The following ZSWIM8 variants were observed in gnomAD, a reference collection of about 807,000 sequenced individuals.
The protein encoded by ZSWIM8 is zinc finger SWIM-type containing 8, also known as zinc finger SWIM domain-containing protein 8.
A neutral mutation model predicts 173.7 loss-of-function variants in ZSWIM8; 27 were observed. The observed-to-expected ratio is 0.16, with a 90% confidence interval of 0.11 to 0.21. The LOEUF (loss-of-function observed/expected upper bound fraction) is 0.21. ZSWIM8 is among the 10% of genes least tolerant of loss of function. The probability of loss-of-function intolerance (pLI) is 1.00; values close to 1 mark genes in which losing one functional copy is unlikely to be tolerated. For synonymous variants in ZSWIM8, 958 were observed against 962.0 expected (o/e 1.00, Z 0.08); for missense variants, 1,627 against 2,428.8 (o/e 0.67, Z 6.94).
chr10:73,794,926 TAAAAAAAAAAAAAAAAA>T (rs34754583), intron 14 of ZSWIM8: 1 of 91,530 alleles, frequency 1.1e-5, no homozygotes, highest in East Asian at 3.1e-4. Context: ...CATCTCTACT[TAAAAAAAAAAAAAAAAA>T]AAAAAAAAAA....
chr10:73,790,076 C>T lies in ZSWIM8; in HGVS notation c.820+39C>T. On this transcript the variant is annotated intron_variant, in intron 6 of 25. Transcript: ENST00000604729. ...GAAAGATTGGCAGTAGGAAGAAAGC[C>T]AGCTTGTAGTACAGAGCGCCATTTA... 3 of 1,609,540 alleles carry T rather than the reference C, an allele frequency of 1.9e-6. No individual in the cohort carries two copies. In the South Asian group the frequency reaches 3.3e-5, roughly 18 times the overall value.
At chr10:73,793,140 C>G (rs904247743) in intron 10 of ZSWIM8, among the ~76,000 whole-genome samples, 8 of 152,208 alleles carry the variant, frequency 5.3e-5, no homozygotes, top group African/African-American at 1.9e-4. Flanking sequence ...TTGATCTGGT[C>G]TTTGCCTGCT....
rs143814161 is a variant in ZSWIM8, at chr10:73,797,558, G to C, written c.3615G>C (p.Arg1205=). ...CCTCATCCTCCAGTGGAAGTCGCCG[G>C]GCCAGTGCCAGTGGAGGAGCCCGGG... ...LGSSSSSGSR[R]ASASGGARAK... is the part of the protein sequence containing the mutation. The change falls in exon 18 of 26, where the codon CGG becomes CGC. Residue 1205 remains arginine (R), a synonymous_variant. Transcript: ENST00000604729. This position sits in a 1 kb window ranked among gnomAD's most constrained non-coding sequence, Gnocchi z 5.6. The C allele has an allele frequency of 4.4e-4, 708 of 1,613,904 alleles. 1 individual carries two copies. The African/African-American group carries it at 8.4e-3, about 19-fold the overall frequency.
intron 21 of ZSWIM8, 116 bp downstream of exon 21, chr10:73,799,606 G>T (rs534483666): frequency 1.4e-6 from 2 of 1,429,938 alleles, no homozygotes; most frequent in African/African-American, 2.8e-5. Context: ...TGGTGAGGTG[G>T]TGGGAGTCTG....
rs1241093633 is a variant in ZSWIM8, at chr10:73,786,069, G to A, written c.191G>A (p.Gly64Asp). The change falls in exon 1 of 26, where the codon GGC becomes GAC. Residue 64 changes from glycine to aspartate, a missense_variant. Gly to Asp is a moderately conservative substitution (Grantham distance 94). Around this residue, in one of 18 missense-constraint regions of ZSWIM8, gnomAD observed 60 missense variants for 93.9 expected, o/e 0.64. Transcript: ENST00000604729. ...GGCGGCGGTGGCGGAGGTGGCAGTG[G>A]CGGTACCAGAATGCGAGGTGAGAGT... Reference protein sequence around the residue: ...PTGGGGGGGSGGTRMRDGLVI... With the variant: ...PTGGGGGGGSDGTRMRDGLVI... 1 of 1,585,050 alleles carries A rather than the reference G, an allele frequency of 6.3e-7. No individual in the cohort carries two copies. The highest frequency in any genetic ancestry group is 8.6e-7 in the Non-Finnish European group (1 of 1,164,560).
Position 73,795,643 on chromosome 10 carries a change from G to T in ZSWIM8, c.3013G>T (p.Asp1005Tyr). The change falls in exon 15 of 26, where the codon GAC becomes TAC. Residue 1005 changes from aspartate to tyrosine, a missense_variant. Asp to Tyr is a radical substitution (Grantham distance 160, BLOSUM62 -3). Around this residue, in one of 18 missense-constraint regions of ZSWIM8, gnomAD observed 163 missense variants for 193.2 expected, o/e 0.84. Coordinates refer to ENST00000604729, the MANE Select transcript of ZSWIM8 (RefSeq NM_001367799.1). The part of the protein sequence containing the change: ...ALALMITYKD[D>Y]QAKLKKILDK... ...AGCACTAATGATCACTTACAAGGAC[G>T]ACCAGGCCAAGCTTAAGAAGGTAAG... is the stretch of plus-strand genomic sequence containing the variant. 1 of 1,613,342 alleles carries T rather than the reference G, an allele frequency of 6.2e-7. No individual in the cohort carries two copies. The highest frequency in any genetic ancestry group is 8.5e-7 in the Non-Finnish European group (1 of 1,179,830).
At position 73,797,698 on chromosome 10, in the gene ZSWIM8, A is replaced by T; in HGVS notation, c.3663-83A>T. On this transcript the variant is annotated intron_variant, in intron 18 of 25. Transcript: ENST00000604729. The surrounding 1 kb of genome is among the most constrained non-coding windows in gnomAD (Gnocchi z 5.6). ...CCAACCATTGTCTCCCAGCATCCTC[A>T]CTTTCCCTGGTCCTTCCCAACCTAC... is the stretch of plus-strand genomic sequence containing the variant. 1.3e-6 allele frequency: 2 copies of T among 1,563,896 alleles called. No individual in the cohort carries two copies. Among genetic ancestry groups the T allele is most frequent in the Non-Finnish European group, 1.7e-6 (2 of 1,150,470 alleles).
chr10:73,791,723 A>C lies in ZSWIM8; in HGVS notation c.1320-136A>C. 7.7e-7 allele frequency: 1 copy of C among 1,300,820 alleles called. No individual in the cohort carries two copies. Among genetic ancestry groups the C allele is most frequent in the Non-Finnish European group, 1.0e-6 (1 of 975,470 alleles). 80.6% of individuals were successfully genotyped at this position (1,300,820 alleles called of 1,614,324 possible). ...ACTTTTCAAAATTCTCCAGTGTTTCAGTGATGCTTATGGGGCTGGGTCAAG... is the reference window on the plus strand; with the variant it reads ...ACTTTTCAAAATTCTCCAGTGTTTCCGTGATGCTTATGGGGCTGGGTCAAG... On this transcript the variant is annotated intron_variant, in intron 9 of 25. Transcript: ENST00000604729. The surrounding 1 kb of genome is among the most constrained non-coding windows in gnomAD (Gnocchi z 6.0).
At chr10:73,793,280 C>G (rs1206650503) in intron 10 of ZSWIM8, among the ~76,000 whole-genome samples, 2 of 152,170 alleles carry the variant, frequency 1.3e-5, no homozygotes, top group East Asian at 1.9e-4. Flanking sequence ...ATGCTCTTCC[C>G]CATTAGCCCG....
In ZSWIM8 at chr10:73,799,293, A is replaced by G. The variant is rs774734305; in HGVS notation, c.4468A>G (p.Ile1490Val). ...AGCAGCAGCCACAGTGGTGCCCGTC[A>G]TATCGGTGGGGTCTAGTTTATACCC... Reference protein sequence around the residue: ...VTAAATVVPVISVGSSLYPGP... With the variant: ...VTAAATVVPVVSVGSSLYPGP... The change falls in exon 21 of 26, where the codon ATA (isoleucine) becomes GTA (valine). Residue 1490 changes from isoleucine to valine, a missense_variant. This residue lies in a region of ZSWIM8 where 275 missense variants were observed against 290.1 expected (regional missense o/e 0.95). Transcript: ENST00000604729. The G allele has an allele frequency of 8.1e-6, 13 of 1,603,706 alleles. No homozygotes were observed. Among genetic ancestry groups the G allele is most frequent in the African/African-American group, 1.3e-5 (1 of 74,696 alleles).
intron 1 of ZSWIM8, 147 bp downstream of exon 1, chr10:73,786,233 G>A (rs1307132757): frequency 2.2e-6 from 2 of 921,640 alleles, no homozygotes; most frequent in Non-Finnish European, 3.1e-6. Context: ...AGCTGTCCCC[G>A]ACTGGGAGCT....
intron 1 of ZSWIM8, among the ~76,000 whole-genome samples, chr10:73,788,318 C>T (rs1376692708): frequency 6.6e-6 from 1 of 151,766 alleles, no homozygotes; most frequent in African/African-American, 2.4e-5. Context: ...ATTTAAAATG[C>T]TCATGGAATA....
chr10:73,801,219 AG>A lies in ZSWIM8; in HGVS notation c.5301+27del, dbSNP rs2083944509. ...AGGTGACAACCTAGAATTATGGAGCAGGGTGGAGCACTTCCTGGGTGGTCTT... is the reference window on the plus strand; with the variant it reads ...AGGTGACAACCTAGAATTATGGAGCAGGTGGAGCACTTCCTGGGTGGTCTT... On this transcript the variant is annotated intron_variant, in intron 25 of 25. Coordinates refer to ENST00000604729, the MANE Select transcript of ZSWIM8 (RefSeq NM_001367799.1). This position sits in a 1 kb window ranked among gnomAD's most constrained non-coding sequence, Gnocchi z 4.9. 2 of 1,601,208 alleles carry A rather than the reference AG, an allele frequency of 1.2e-6. No homozygotes were observed. The highest frequency in any genetic ancestry group is 1.7e-6 in the Non-Finnish European group (2 of 1,172,638).
In ZSWIM8 at chr10:73,792,110, TG is replaced by T; in HGVS notation, c.1573del (p.Glu525ArgfsTer83). On this transcript the variant is annotated frameshift_variant, in exon 10 of 26. Coordinates refer to ENST00000604729, the MANE Select transcript of ZSWIM8 (RefSeq NM_001367799.1). LOFTEE classifies it high-confidence loss of function. This position sits in a 1 kb window ranked among gnomAD's most constrained non-coding sequence, Gnocchi z 4.3. ...CCAGGTGCCTCCCGCTCTGGGGGCC[TG>T]GAGGAATCCCGGGACCGGCCCCGAC... ...SRPGASRSGG[L>X]EESRDRPRPL... The T allele has an allele frequency of 6.5e-7, 1 of 1,533,064 alleles. No individual in the cohort carries two copies. The highest frequency in any genetic ancestry group is 8.8e-7 in the Non-Finnish European group (1 of 1,135,960). The allele number at this position is 1,533,064 out of a possible 1,614,324, so 95.0% of individuals were successfully genotyped here.
Position 73,785,919 on chromosome 10 carries a change from T to C in ZSWIM8, c.41T>C (p.Phe14Ser). 6.4e-7 allele frequency: 1 copy of C among 1,551,108 alleles called. No homozygotes were observed. Among genetic ancestry groups the C allele is most frequent in the Non-Finnish European group, 8.7e-7 (1 of 1,146,966 alleles). ...MFAEWEDGER[F>S]SFEDSDRFEE... Reference sequence around the variant, plus strand: ...GCAGAGTGGGAGGACGGAGAGCGCTTCTCATTCGAGGATTCGGACCGTTTT... The same window carrying C: ...GCAGAGTGGGAGGACGGAGAGCGCTCCTCATTCGAGGATTCGGACCGTTTT... Residue 14 changes from phenylalanine to serine, a missense_variant, in exon 1 of 26, where the codon TTC becomes TCC. Phe to Ser is a radical substitution (Grantham distance 155, BLOSUM62 -2). This residue lies in a region of ZSWIM8 where 60 missense variants were observed against 93.9 expected (regional missense o/e 0.64). Coordinates refer to ENST00000604729, the MANE Select transcript of ZSWIM8 (RefSeq NM_001367799.1).
Position 73,792,054 on chromosome 10 carries a change from A to G in ZSWIM8, c.1515A>G (p.Ala505=), listed in dbSNP as rs2083434945. 1 of 1,546,854 alleles carries G rather than the reference A, an allele frequency of 6.5e-7. No individual in the cohort carries two copies. Among genetic ancestry groups the G allele is most frequent in the Admixed American group, 2.0e-5 (1 of 50,852 alleles). The change falls in exon 10 of 26, where the codon GCA becomes GCG. Residue 505 remains alanine (A), a synonymous_variant. Coordinates refer to ENST00000604729, the MANE Select transcript of ZSWIM8 (RefSeq NM_001367799.1). The surrounding 1 kb of genome is among the most constrained non-coding windows in gnomAD (Gnocchi z 4.3). Reference sequence around the variant, plus strand: ...ACAGCGGCACTGACAGGAAGCTGGCACTGTGCTGGGCCCGGGCCCTGCCCT... The same window carrying G: ...ACAGCGGCACTGACAGGAAGCTGGCGCTGTGCTGGGCCCGGGCCCTGCCCT... The part of the protein sequence containing the change: ...VTYSGTDRKL[A]LCWARALPSR...
chr10:73,796,467 G>A, intron 15 of ZSWIM8: 1 of 452,236 alleles, frequency 2.2e-6, no homozygotes, highest in Non-Finnish European at 4.1e-6. Flanking sequence ...TCTTATAGGA[G>A]TGCTTGGGCA....
Position 73,800,252 on chromosome 10 carries a change from C to T in ZSWIM8, c.4826-44C>T, listed in dbSNP as rs1589598558. 6.2e-7 allele frequency: 1 copy of T among 1,611,768 alleles called. No individual in the cohort carries two copies. On this transcript the variant is annotated intron_variant, in intron 22 of 25. Coordinates refer to ENST00000604729, the MANE Select transcript of ZSWIM8 (RefSeq NM_001367799.1). The surrounding 1 kb of genome is among the most constrained non-coding windows in gnomAD (Gnocchi z 4.1). ...GGTGGGGAGGGAATGTTCTTTGTCT[C>T]TCTTTGGGCTCTGAGTTCCTCACAT...
intron 1 of ZSWIM8, chr10:73,786,405 T>G (rs1013647799): frequency 5.6e-5 from 18 of 320,452 alleles, no homozygotes; most frequent in African/African-American, 3.8e-4. Context: ...AGTAAATCTT[T>G]CGTCACTCCT....
Sources: allele counts gnomAD v4.1 joint callset (sites outside exome capture counted in the v4.1 genomes callset), GRCh38; gene constraint gnomAD v4.1.1; regional missense constraint gnomAD v4.1.1; non-coding constraint Gnocchi (gnomAD v3.1); transcripts MANE v1.5; gene names NCBI Gene and HGNC (gene_info 2026-07-23, HGNC 2026-07-21).